Variants in FAM240B observed in about 807,000 individuals in gnomAD.
The protein encoded by FAM240B is family with sequence similarity 240 member B, also known as protein FAM240B.
intron 1 of FAM240B, among the ~76,000 whole-genome samples, chr9:38,718,365 GTGTTGGAA>G (rs1489234815): frequency 6.6e-6 from 1 of 152,240 alleles, no homozygotes; most frequent in Non-Finnish European, 1.5e-5. Flanking sequence ...TGTCACGGAA[GTGTTGGAA>G]TGTTTGTGGA....
chr9:38,712,928 G>A (rs2119012537), intron 1 of FAM240B, among the ~76,000 whole-genome samples: 1 of 152,188 alleles, frequency 6.6e-6, no homozygotes, highest in African/African-American at 2.4e-5. Context: ...CTTCATTTAG[G>A]GAAAAGTTCG....
chr9:38,718,548 T>C (rs1256392534), intron 1 of FAM240B, among the ~76,000 whole-genome samples: 1 of 152,196 alleles, frequency 6.6e-6, no homozygotes, highest in Non-Finnish European at 1.5e-5. Context: ...GGAAAACAAT[T>C]GGCTTTTCTA....
chr9:38,713,878 A>C (rs1420208078), intron 1 of FAM240B, among the ~76,000 whole-genome samples: 1 of 152,230 alleles, frequency 6.6e-6, no homozygotes, highest in Non-Finnish European at 1.5e-5. Context: ...TGAATGTTAA[A>C]AAGTAAGCAC....
In FAM240B at chr9:38,715,290, G is replaced by A. The variant is rs1235582127; in HGVS notation, c.-4+4732C>T. On this transcript the variant is annotated intron_variant, in intron 1 of 2. Transcript: ENST00000637493. ...TTACAGGGCAAGTTACTTGAACTAA[G>A]TTTCTGTTTTCTCATCTGTAAAATG... 2.6e-5 allele frequency among the ~76,000 whole-genome samples: 4 copies of A among 152,184 alleles called. No homozygotes were observed. In the South Asian group the frequency reaches 8.3e-4, roughly 31 times the overall value.
At chr9:38,700,653 C>T (rs913964782) in intron 2 of FAM240B, among the ~76,000 whole-genome samples, 10 of 152,208 alleles carry the variant, frequency 6.6e-5, no homozygotes, top group East Asian at 3.8e-4. Context: ...CATGCCTATA[C>T]GACACTCGAC....
intron 1 of FAM240B, among the ~76,000 whole-genome samples, chr9:38,718,459 C>G: frequency 6.6e-6 from 1 of 152,154 alleles, no homozygotes; most frequent in East Asian, 1.9e-4. Context: ...GTATTCACCT[C>G]TTAATGAAAA....
At chr9:38,719,433 A>G (rs755928517) in intron 1 of FAM240B, among the ~76,000 whole-genome samples, 1 of 152,180 alleles carries the variant, frequency 6.6e-6, no homozygotes, top group Non-Finnish European at 1.5e-5. Context: ...TTAAATATCA[A>G]TTTAATCAAA....
chr9:38,714,147 C>A (rs1412948497), intron 1 of FAM240B, among the ~76,000 whole-genome samples: 10 of 151,952 alleles, frequency 6.6e-5, no homozygotes, highest in African/African-American at 2.4e-4. Context: ...TAGTTACAAC[C>A]CAAAGAATGA....
At position 38,713,676 on chromosome 9, in the gene FAM240B, T is replaced by C. The variant is rs557618293; in HGVS notation, c.-4+6346A>G. Among the ~76,000 whole-genome samples the C allele has an allele frequency of 3.3e-5, 5 of 152,218 alleles. No individual in the cohort carries two copies. In the South Asian group the frequency reaches 8.3e-4, roughly 25 times the overall value. ...TTATGTAAGAAGATGACTGTGTTCT[T>C]GGGAGGTAGCCACTGAAGCATTTAG... On this transcript the variant is annotated intron_variant, in intron 1 of 2. Transcript: ENST00000637493.
chr9:38,719,752 C>G (rs1228206581), intron 1 of FAM240B, among the ~76,000 whole-genome samples: 1 of 152,156 alleles, frequency 6.6e-6, no homozygotes, highest in Non-Finnish European at 1.5e-5. Flanking sequence ...GTGAGATTTA[C>G]CCGAATTTCT....
chr9:38,699,892 GC>G (rs1428976878), intron 2 of FAM240B, among the ~76,000 whole-genome samples: 1 of 152,190 alleles, frequency 6.6e-6, no homozygotes, highest in Non-Finnish European at 1.5e-5. Flanking sequence ...TGATCTCTGT[GC>G]TTTTACTTTA....
At chr9:38,710,338 A>G (rs1333103599) in intron 1 of FAM240B, among the ~76,000 whole-genome samples, 1 of 152,196 alleles carries the variant, frequency 6.6e-6, no homozygotes. Context: ...TTTTCTTAGA[A>G]CCCAGATAAC....
At chr9:38,717,602 T>C (rs1355668588) in intron 1 of FAM240B, among the ~76,000 whole-genome samples, 1 of 152,146 alleles carries the variant, frequency 6.6e-6, no homozygotes, top group African/African-American at 2.4e-5. Context: ...TGCCTCAGCC[T>C]CCTGAGTAGC....
At chr9:38,704,361 G>C (rs926226855) in intron 1 of FAM240B, among the ~76,000 whole-genome samples, 1 of 152,080 alleles carries the variant, frequency 6.6e-6, no homozygotes, top group African/African-American at 2.4e-5. Flanking sequence ...AAATGTTCAT[G>C]AACAGAGAAA....
At chr9:38,718,545 A>G (rs1821334077) in intron 1 of FAM240B, among the ~76,000 whole-genome samples, 2 of 152,226 alleles carry the variant, frequency 1.3e-5, no homozygotes, top group South Asian at 4.1e-4. Flanking sequence ...CCTGGAAAAC[A>G]ATTGGCTTTT....
chr9:38,712,896 C>T (rs568432300), intron 1 of FAM240B, among the ~76,000 whole-genome samples: 3 of 152,138 alleles, frequency 2.0e-5, no homozygotes, highest in African/African-American at 4.8e-5. Context: ...CTTCACCCCC[C>T]ACAGTTTGAG....
At chr9:38,711,945 T>C (rs1770109065) in intron 1 of FAM240B, among the ~76,000 whole-genome samples, 1 of 152,084 alleles carries the variant, frequency 6.6e-6, no homozygotes. Context: ...CATTTTCTTT[T>C]TAACTTCCCC....
chr9:38,701,996 T>C (rs879940669), intron 2 of FAM240B, among the ~76,000 whole-genome samples: 1 of 152,188 alleles, frequency 6.6e-6, no homozygotes, highest in Non-Finnish European at 1.5e-5. Flanking sequence ...CTTTTTCCTT[T>C]ACATACTATA....
chr9:38,697,482 G>A (rs756629633), intron 2 of FAM240B, among the ~76,000 whole-genome samples: 2 of 152,210 alleles, frequency 1.3e-5, no homozygotes, highest in Non-Finnish European at 2.9e-5. Flanking sequence ...CCGCATCACA[G>A]TCTGATGACT....
Sources: gnomAD v4.1 joint callset for allele counts (sites outside exome capture counted in the v4.1 genomes callset) on GRCh38, gnomAD v4.1.1 for gene constraint, MANE v1.5 for transcripts, NCBI Gene and HGNC (gene_info 2026-07-23, HGNC 2026-07-21) for gene names.